ALMS1: variants seen among roughly 807,000 people sequenced by gnomAD.
The protein encoded by ALMS1 is centrosome-associated protein ALMS1.
Under a neutral mutation model 352.2 loss-of-function variants are expected in ALMS1, and 271 were observed. The ratio of observed to expected loss-of-function variants is 0.77; its 90% confidence interval spans 0.70 to 0.85. The LOEUF is 0.85. Ranked by LOEUF, ALMS1 falls within the 40% of genes least tolerant of loss-of-function variation. The pLI, the probability that ALMS1 is intolerant of heterozygous loss-of-function variation, is 0.00. For missense variants in ALMS1, 5,445 were observed against 4,870.7 expected, an observed-to-expected ratio of 1.12 and a Z score of -3.51; for synonymous variants, 1,865 against 1,761.2, an observed-to-expected ratio of 1.06 and a Z score of -1.48.
Position 73,449,319 on chromosome 2 carries a change from C to A in ALMS1, c.2792C>A (p.Ala931Asp). Reference protein sequence around the residue: ...TLPDFLFPEEALKVSAVSVLA... With the variant: ...TLPDFLFPEEDLKVSAVSVLA... ...CCAGACTTTCTTTTCCCTGAAGAAG[C>A]TCTGAAGGTTTCAGCTGTTTCTGTA... Residue 931 changes from alanine to aspartate, a missense_variant, in exon 8 of 23, where the codon GCT (alanine) becomes GAT (aspartate). Physicochemically the swap from Ala to Asp is moderately radical, Grantham distance 126 (BLOSUM62 -2). Transcript: ENST00000613296. The A allele has an allele frequency of 6.2e-7, 1 of 1,614,056 alleles. No individual in the cohort carries two copies. The highest frequency in any genetic ancestry group is 1.1e-5 in the South Asian group (1 of 91,080).
intron 15 of ALMS1, among the ~76,000 whole-genome samples, chr2:73,567,989 A>C (rs1169149882): frequency 2.0e-5 from 3 of 152,184 alleles, no homozygotes; most frequent in Non-Finnish European, 2.9e-5. Flanking sequence ...AACTGAGAAA[A>C]GGGGCTAATT....
At chr2:73,472,570 G>C (rs907276936) in intron 9 of ALMS1, among the ~76,000 whole-genome samples, 3 of 151,990 alleles carry the variant, frequency 2.0e-5, no homozygotes, top group African/African-American at 7.2e-5. Flanking sequence ...GAAACTATCA[G>C]AATTAGTTTT....
intron 5 of ALMS1, 84 bp downstream of exon 5, chr2:73,424,986 C>A (rs940165201): frequency 1.7e-6 from 2 of 1,184,000 alleles, no homozygotes; most frequent in East Asian, 2.5e-5. Context: ...TTTTAGTGTC[C>A]CCTTTTCCTA....
At chr2:73,392,807 A>T (rs956399965) in intron 1 of ALMS1, among the ~76,000 whole-genome samples, 1 of 152,146 alleles carries the variant, frequency 6.6e-6, no homozygotes, top group Non-Finnish European at 1.5e-5. Flanking sequence ...TACCGTAGAC[A>T]TTCTTATATA....
chr2:73,484,580 T>G (rs984563285), intron 9 of ALMS1, among the ~76,000 whole-genome samples: 1 of 151,640 alleles, frequency 6.6e-6, no homozygotes, highest in Non-Finnish European at 1.5e-5. Context: ...GAGGAGTATC[T>G]TTGTGGCGTT....
chr2:73,470,927 G>GT (rs1158662822), intron 9 of ALMS1: 1 of 151,586 alleles, frequency 6.6e-6, no homozygotes, highest in Admixed American at 6.6e-5. Context: ...GTGCTCTTTT[G>GT]GTTGCTATCT....
chr2:73,493,547 G>A (rs1229186386), intron 10 of ALMS1, among the ~76,000 whole-genome samples: 1 of 151,848 alleles, frequency 6.6e-6, no homozygotes, highest in Non-Finnish European at 1.5e-5. Context: ...ACATGGAGAA[G>A]CCCCATCTCT....
At chr2:73,408,508 A>T in intron 1 of ALMS1, 114 bp from the exon 2 acceptor site, 1 of 1,197,932 alleles carries the variant, frequency 8.3e-7, no homozygotes, top group Non-Finnish European at 1.2e-6. Flanking sequence ...AAAATGTCGT[A>T]TATGTGAAAG....
intron 9 of ALMS1, among the ~76,000 whole-genome samples, chr2:73,465,451 C>G (rs1672313707): frequency 6.6e-6 from 1 of 152,194 alleles, no homozygotes; most frequent in Non-Finnish European, 1.5e-5. Flanking sequence ...AAAGCTGAAA[C>G]TGGATCCCTT....
intron 1 of ALMS1, among the ~76,000 whole-genome samples, chr2:73,400,030 A>G (rs1159468556): frequency 6.7e-6 from 1 of 148,288 alleles, no homozygotes; most frequent in Non-Finnish European, 1.5e-5. Flanking sequence ...CTCTGCCTCC[A>G]AGGCTCAAGC....
intron 7 of ALMS1, among the ~76,000 whole-genome samples, 157 bp downstream of exon 7, chr2:73,432,448 C>T (rs941093533): frequency 6.8e-6 from 1 of 148,120 alleles, no homozygotes; most frequent in African/African-American, 2.7e-5. Context: ...CTTTAGACTG[C>T]TATTACAAAA....
At chr2:73,466,451 A>G (rs1672346433) in intron 9 of ALMS1, among the ~76,000 whole-genome samples, 1 of 128,892 alleles carries the variant, frequency 7.8e-6, no homozygotes, top group Non-Finnish European at 1.6e-5. Flanking sequence ...ACATGGACAC[A>G]GGAAGGGGAA....
intron 6 of ALMS1, among the ~76,000 whole-genome samples, chr2:73,430,168 C>T (rs1671470907): frequency 6.6e-6 from 1 of 151,778 alleles, no homozygotes; most frequent in Non-Finnish European, 1.5e-5. Context: ...GCTCCGCCTC[C>T]CGGGTTCACA....
At chr2:73,582,808 G>A (rs1290993123) in intron 16 of ALMS1, among the ~76,000 whole-genome samples, 2 of 152,082 alleles carry the variant, frequency 1.3e-5, no homozygotes, top group Non-Finnish European at 2.9e-5. Flanking sequence ...CCACCTTTTA[G>A]CTATGGTAAA....
intron 22 of ALMS1, 80 bp from the exon 23 acceptor site, chr2:73,609,488 C>A: frequency 7.7e-7 from 1 of 1,298,798 alleles, no homozygotes; most frequent in Non-Finnish European, 1.1e-6. Context: ...TCCTTGGTGA[C>A]ATGGATGCAG....
In ALMS1 at chr2:73,519,831, A is replaced by T. The variant is rs768625415; in HGVS notation, c.9596A>T (p.Asp3199Val). 2 of 1,613,990 alleles carry T rather than the reference A, an allele frequency of 1.2e-6. No individual in the cohort carries two copies. Among genetic ancestry groups the T allele is most frequent in the Admixed American group, 1.7e-5 (1 of 60,016 alleles). ...LSAFSEKLSS[D>V]AVTQITTESP... ...GCTTTCTCTGAAAAATTGTCATCTG[A>T]TGCAGTCACTCAGATAACAACAGAA... Residue 3199 changes from aspartate (D) to valine (V), a missense_variant, in exon 11 of 23, where the codon GAT (aspartate) becomes GTT (valine). Physicochemically the swap from Asp to Val is radical, Grantham distance 152. Transcript: ENST00000613296.
intron 9 of ALMS1, among the ~76,000 whole-genome samples, chr2:73,480,449 C>G (rs181403936): frequency 0.012 from 1,758 of 152,258 alleles, 33 homozygotes; most frequent in African/African-American, 0.038. Context: ...TGTATATGTG[C>G]CACATTTTCT....
chr2:73,422,121 A>G (rs1224476927), intron 3 of ALMS1, among the ~76,000 whole-genome samples: 3 of 152,154 alleles, frequency 2.0e-5, no homozygotes, highest in Non-Finnish European at 2.9e-5. Flanking sequence ...TAATTCATTG[A>G]AAAAGTACAT....
At chr2:73,508,140 TC>T (rs1255233388) in intron 10 of ALMS1, among the ~76,000 whole-genome samples, 10 of 143,550 alleles carry the variant, frequency 7.0e-5, no homozygotes, top group Non-Finnish European at 1.4e-4. Flanking sequence ...CCTTTCCCTT[TC>T]CCTTTCCTTT....
Sources: gnomAD v4.1 joint callset for allele counts (sites outside exome capture counted in the v4.1 genomes callset) on GRCh38, gnomAD v4.1.1 for gene constraint, MANE v1.5 for transcripts, NCBI Gene and HGNC (gene_info 2026-07-23, HGNC 2026-07-21) for gene names.